FAM91A1: variants seen among roughly 807,000 people sequenced by gnomAD.
The protein encoded by FAM91A1 is protein FAM91A1.
Under a neutral mutation model 113.5 loss-of-function variants are expected in FAM91A1, and 41 were observed. That is an observed-to-expected ratio of 0.36 (90% CI 0.28 to 0.47). The LOEUF is 0.47. Ranked by LOEUF, FAM91A1 falls within the 20% of genes least tolerant of loss-of-function variation. The pLI is 1.00. For synonymous variants in FAM91A1, 307 were observed against 347.9 expected (o/e 0.88, Z 1.31); for missense variants, 696 against 1,001.2 (o/e 0.70, Z 4.11).
At chr8:123,789,567 A>G in intron 14 of FAM91A1, 46 bp from the exon 15 acceptor site, 2 of 1,610,448 alleles carry the variant, frequency 1.2e-6, no homozygotes, top group Non-Finnish European at 8.5e-7. Flanking sequence ...AGTGAATGGC[A>G]TAAAAGTGGT....
At position 123,786,617 on chromosome 8, in the gene FAM91A1, A is replaced by G. The variant is rs1346700068; in HGVS notation, c.1078+7A>G. ...AATAGTCAAGAAGATCCAGGTTAGC[A>G]GTAACTCAGTTTAACATAGAGTCTG... On this transcript the variant is annotated splice_region_variant and intron_variant, in intron 12 of 23. Coordinates refer to ENST00000334705, the MANE Select transcript of FAM91A1 (RefSeq NM_144963.4). The G allele has an allele frequency of 9.3e-6, 15 of 1,606,736 alleles. No individual in the cohort carries two copies. Among genetic ancestry groups the G allele is most frequent in the African/African-American group, 1.3e-5 (1 of 74,788 alleles).
chr8:123,797,927 G>C (rs1359199752), intron 15 of FAM91A1, among the ~76,000 whole-genome samples, 163 bp from the exon 16 acceptor site: 2 of 152,170 alleles, frequency 1.3e-5, no homozygotes, highest in Non-Finnish European at 2.9e-5. Flanking sequence ...GCATCTCAAA[G>C]TGTCTTGGTG....
chr8:123,793,002 A>G (rs1479978787), intron 15 of FAM91A1, among the ~76,000 whole-genome samples: 1 of 152,176 alleles, frequency 6.6e-6, no homozygotes, highest in African/African-American at 2.4e-5. Context: ...TTCCAGCCCC[A>G]TGAACTTTGA....
At chr8:123,810,223 GA>G in intron 22 of FAM91A1, 58 bp from the exon 23 acceptor site, 1 of 1,520,294 alleles carries the variant, frequency 6.6e-7, no homozygotes, top group Non-Finnish European at 8.9e-7. Context: ...ACTCTTATGA[GA>G]AACTCATTCT....
At chr8:123,774,558 A>G (rs1489348002) in intron 2 of FAM91A1, among the ~76,000 whole-genome samples, 1 of 152,110 alleles carries the variant, frequency 6.6e-6, no homozygotes, top group East Asian at 1.9e-4. Flanking sequence ...CACATTTTAA[A>G]CATAGTTCAT....
intron 14 of FAM91A1, among the ~76,000 whole-genome samples, chr8:123,788,823 T>C (rs1375699373): frequency 2.6e-5 from 4 of 152,186 alleles, no homozygotes; most frequent in African/African-American, 9.6e-5. Flanking sequence ...CATCACAAAG[T>C]CATTCTTGGG....
chr8:123,789,947 C>T (rs1815344595), intron 15 of FAM91A1, among the ~76,000 whole-genome samples: 1 of 152,116 alleles, frequency 6.6e-6, no homozygotes, highest in Non-Finnish European at 1.5e-5. Flanking sequence ...TCATGTGCCA[C>T]TAACATTTGT....
intron 1 of FAM91A1, among the ~76,000 whole-genome samples, chr8:123,771,602 T>G (rs1431092282): frequency 6.6e-6 from 1 of 152,230 alleles, no homozygotes; most frequent in Non-Finnish European, 1.5e-5. Flanking sequence ...GGGCCATTAT[T>G]TCAGGATTTT....
At chr8:123,777,123 A>G in intron 3 of FAM91A1, 142 bp from the exon 4 acceptor site, 1 of 595,796 alleles carries the variant, frequency 1.7e-6, no homozygotes. Context: ...ACAGGGTGGC[A>G]TGTATGCTCT....
intron 16 of FAM91A1, among the ~76,000 whole-genome samples, chr8:123,799,153 T>C (rs1262559291): frequency 1.3e-5 from 2 of 152,248 alleles, no homozygotes; most frequent in African/African-American, 4.8e-5. Flanking sequence ...AGTACTGTTT[T>C]AAGCTTTTTG....
chr8:123,789,799 A>G (rs909452128), intron 15 of FAM91A1, 54 bp downstream of exon 15: 133 of 1,583,294 alleles, frequency 8.4e-5, no homozygotes, highest in Non-Finnish European at 5.9e-5. Flanking sequence ...CTTTTTTCTA[A>G]GAAATTAAAC....
At chr8:123,801,517 A>T (rs76472717) in intron 18 of FAM91A1, among the ~76,000 whole-genome samples, 1 of 152,248 alleles carries the variant, frequency 6.6e-6, no homozygotes, top group Non-Finnish European at 1.5e-5. Flanking sequence ...TTGAATGTGC[A>T]TATTTTGCGC....
intron 7 of FAM91A1, 42 bp from the exon 8 acceptor site, chr8:123,780,438 G>A (rs375027666): frequency 1.4e-5 from 20 of 1,450,026 alleles, no homozygotes; most frequent in Non-Finnish European, 1.9e-5. Flanking sequence ...AATCACTGTT[G>A]TGTAGTGTTC....
intron 6 of FAM91A1, 47 bp downstream of exon 6, chr8:123,778,819 A>G (rs140886757): frequency 1.6e-6 from 2 of 1,235,676 alleles, no homozygotes; most frequent in Non-Finnish European, 2.1e-6. Context: ...TTTTTAGTTT[A>G]TTTTACAATT....
chr8:123,780,669 T>G, intron 8 of FAM91A1, 127 bp downstream of exon 8: 1 of 673,560 alleles, frequency 1.5e-6, no homozygotes, highest in Non-Finnish European at 2.4e-6. Context: ...GTTATTACAT[T>G]TTAACATAGT....
rs1486151082 is a variant in FAM91A1 at position 123,778,656 on chromosome 8, C to T, written c.436-3C>T. On this transcript the variant is annotated splice_polypyrimidine_tract_variant and splice_region_variant and intron_variant, in intron 5 of 23. Transcript: ENST00000334705. ...AAATTCTCAAATGTTTGTACCATTGCAGAAATTCTTCAGAAGGAAAACAGC... is the reference window on the plus strand; with the variant it reads ...AAATTCTCAAATGTTTGTACCATTGTAGAAATTCTTCAGAAGGAAAACAGC... 6.2e-7 allele frequency: 1 copy of T among 1,607,180 alleles called. No individual in the cohort carries two copies. The highest frequency in any genetic ancestry group is 8.5e-7 in the Non-Finnish European group (1 of 1,176,216).
intron 13 of FAM91A1, 111 bp downstream of exon 13, chr8:123,787,484 A>G (rs1415092114): frequency 6.7e-6 from 7 of 1,046,024 alleles, no homozygotes; most frequent in Non-Finnish European, 7.0e-6. Flanking sequence ...CCCGAAGCAC[A>G]ACTGACTTAG....
chr8:123,770,377 T>C (rs1195427314), intron 1 of FAM91A1, among the ~76,000 whole-genome samples: 1 of 152,226 alleles, frequency 6.6e-6, no homozygotes, highest in African/African-American at 2.4e-5. Flanking sequence ...CACTTTAATA[T>C]AGCAAAAACC....
rs544733653 is a variant in FAM91A1 at position 123,773,603 on chromosome 8, A to G, written c.73-477A>G. On this transcript the variant is annotated intron_variant, in intron 1 of 23. Transcript: ENST00000334705. ...CAATCTTACGTACATTTAAATGTAA[A>G]TTTTCCAGAAATCCTAATCTTTAAT... Among the ~76,000 whole-genome samples the G allele has an allele frequency of 5.3e-5, 8 of 152,324 alleles. No homozygotes were observed. In the East Asian group the frequency reaches 1.5e-3, roughly 29 times the overall value.
Sources: allele counts gnomAD v4.1 joint callset (sites outside exome capture counted in the v4.1 genomes callset), GRCh38; gene constraint gnomAD v4.1.1; transcripts MANE v1.5; gene names NCBI Gene and HGNC (gene_info 2026-07-23, HGNC 2026-07-21).